The following NFXL1 variants were observed in gnomAD, a reference collection of about 807,000 sequenced individuals.
The protein encoded by NFXL1 is NF-X1-type zinc finger protein NFXL1.
Under a neutral mutation model 123.3 loss-of-function variants are expected in NFXL1, and 66 were observed. The ratio of observed to expected loss-of-function variants is 0.54; its 90% confidence interval spans 0.44 to 0.66. The LOEUF (loss-of-function observed/expected upper bound fraction) is 0.66, where lower values mean the gene tolerates loss of function less well. Among genes scored for constraint, NFXL1 ranks in the 30% least tolerant of loss-of-function variants. The pLI is 0.00. For synonymous variants in NFXL1, 346 were observed against 360.8 expected (o/e 0.96, Z 0.46); for missense variants, 944 against 1,125.6 (o/e 0.84, Z 2.31).
chr4:47,884,347 T>A lies in NFXL1; in HGVS notation c.1915A>T (p.Met639Leu). The change falls in exon 15 of 23, where the codon ATG (methionine) becomes TTG (leucine). Residue 639 changes from methionine to leucine, a missense_variant and splice_region_variant. Transcript: ENST00000507489. ...TTTAATTGAAATTCTAATACTTACA[T>A]AGGAATAGGAACTTGACATGGAGGA... ...PCPPCQVPIP[M>L]ECLGKHEVSP... The A allele has an allele frequency of 6.5e-7, 1 of 1,538,664 alleles. No individual in the cohort carries two copies. The highest frequency in any genetic ancestry group is 1.2e-5 in the South Asian group (1 of 85,028).
intron 2 of NFXL1, among the ~76,000 whole-genome samples, chr4:47,911,342 C>T (rs1350838753): frequency 6.6e-6 from 1 of 152,212 alleles, no homozygotes; most frequent in Non-Finnish European, 1.5e-5. Context: ...TTTTAAAGTA[C>T]ATTGTGCACA....
At chr4:47,900,578 T>C (rs778069863) in intron 5 of NFXL1, among the ~76,000 whole-genome samples, 1 of 152,204 alleles carries the variant, frequency 6.6e-6, no homozygotes, top group Non-Finnish European at 1.5e-5. Context: ...GACTTTAAAC[T>C]TCCATCATTA....
chr4:47,854,205 C>G (rs1187268220), intron 20 of NFXL1, among the ~76,000 whole-genome samples: 3 of 151,778 alleles, frequency 2.0e-5, no homozygotes, highest in Admixed American at 2.0e-4. Context: ...AGGCAAAGGA[C>G]CTATAAAAGA....
chr4:47,862,724 C>A (rs1420650730), intron 19 of NFXL1, 122 bp downstream of exon 19: 2 of 717,708 alleles, frequency 2.8e-6, no homozygotes, highest in East Asian at 2.6e-5. Flanking sequence ...ATATGTCTTA[C>A]GTGTTTATTT....
At chr4:47,913,541 A>G (rs1373146807) in intron 2 of NFXL1, among the ~76,000 whole-genome samples, 1 of 152,238 alleles carries the variant, frequency 6.6e-6, no homozygotes, top group Non-Finnish European at 1.5e-5. Flanking sequence ...GACTCAGCCG[A>G]GCTGACTGTT....
chr4:47,884,353 T>C lies in NFXL1; in HGVS notation c.1909A>G (p.Ile637Val), dbSNP rs1424046598. ...ALPCPPCQVP[I>V]PMECLGKHEV... is the part of the protein sequence containing the mutation. ...TGAAATTCTAATACTTACATAGGAA[T>C]AGGAACTTGACATGGAGGACACGGT... The change falls in exon 15 of 23, where the codon ATT (isoleucine) becomes GTT (valine). Residue 637 changes from isoleucine to valine, a missense_variant. This residue lies in a region of NFXL1 where 301 missense variants were observed against 348.0 expected (regional missense o/e 0.86). Coordinates refer to ENST00000507489, the MANE Select transcript of NFXL1 (RefSeq NM_001278624.2). 3 of 1,567,762 alleles carry C rather than the reference T, an allele frequency of 1.9e-6. No individual in the cohort carries two copies. In the East Asian group the frequency reaches 6.7e-5, roughly 35 times the overall value.
chr4:47,906,804 T>C (rs961414688), intron 3 of NFXL1, among the ~76,000 whole-genome samples: 1 of 152,236 alleles, frequency 6.6e-6, no homozygotes, highest in African/African-American at 2.4e-5. Flanking sequence ...TATTAAAGTT[T>C]GGCTGCATCA....
intron 15 of NFXL1, chr4:47,882,422 T>A (rs934958916): frequency 1.3e-5 from 2 of 152,146 alleles, no homozygotes; most frequent in African/African-American, 4.8e-5. Flanking sequence ...GGTTGAGAAG[T>A]TAACAGAAAG....
chr4:47,883,032 G>A (rs575118327), intron 15 of NFXL1, among the ~76,000 whole-genome samples: 17 of 152,166 alleles, frequency 1.1e-4, no homozygotes, highest in Non-Finnish European at 2.4e-4. Flanking sequence ...TCACCACGAT[G>A]TATTAGTGAA....
intron 17 of NFXL1, among the ~76,000 whole-genome samples, chr4:47,877,371 T>C (rs2110068587): frequency 6.6e-6 from 1 of 152,222 alleles, no homozygotes; most frequent in East Asian, 1.9e-4. Flanking sequence ...TCAAATATCA[T>C]ACGCAGTTCT....
intron 19 of NFXL1, among the ~76,000 whole-genome samples, chr4:47,861,276 A>G (rs887012925): frequency 4.6e-5 from 7 of 152,234 alleles, no homozygotes; most frequent in Non-Finnish European, 1.0e-4. Context: ...GAGTTCTACT[A>G]GACACAATGA....
intron 15 of NFXL1, 43 bp from the exon 16 acceptor site, chr4:47,879,160 T>C (rs781636801): frequency 2.2e-6 from 2 of 895,308 alleles, no homozygotes; most frequent in South Asian, 2.0e-5. Flanking sequence ...TTACAAATTA[T>C]TCAAAAATAA....
At chr4:47,852,650 T>C (rs1734188384) in intron 20 of NFXL1, among the ~76,000 whole-genome samples, 1 of 152,084 alleles carries the variant, frequency 6.6e-6, no homozygotes, top group Non-Finnish European at 1.5e-5. Flanking sequence ...TTTTGATGTC[T>C]TGACATCAAA....
At chr4:47,911,126 G>A (rs905910546) in intron 2 of NFXL1, 132 bp from the exon 3 acceptor site, 9 of 479,174 alleles carry the variant, frequency 1.9e-5, no homozygotes, top group African/African-American at 1.2e-4. Context: ...TGTAATCCAC[G>A]AGAAAAGTAT....
intron 12 of NFXL1, among the ~76,000 whole-genome samples, chr4:47,886,323 C>T (rs1418194184): frequency 6.6e-6 from 1 of 151,710 alleles, no homozygotes. Flanking sequence ...TGGCTATGTT[C>T]AGTTTGTAAA....
At chr4:47,879,561 T>C (rs754422376) in intron 15 of NFXL1, among the ~76,000 whole-genome samples, 1 of 152,154 alleles carries the variant, frequency 6.6e-6, no homozygotes, top group Non-Finnish European at 1.5e-5. Flanking sequence ...ATTTTGTATA[T>C]ATCAACAAAC....
At chr4:47,898,642 T>C (rs1004897363) in intron 8 of NFXL1, 115 bp downstream of exon 8, 18 of 674,290 alleles carry the variant, frequency 2.7e-5, no homozygotes, top group Non-Finnish European at 2.7e-5. Context: ...TCATCTGAGT[T>C]GCTATTCTTC....
rs762135215 is a variant in NFXL1 at position 47,905,259 on chromosome 4, G to A, written c.494C>T (p.Ala165Val). ...TACTGCTTGGTTTCTCTTCACCGAA[G>A]CAATACAAATTAGGCATGTCATAGC... ...AGAMTCLICI[A>V]SVKRNQAVWS... is the part of the protein sequence containing the mutation. The change falls in exon 4 of 23, where the codon GCT (alanine) becomes GTT (valine). Residue 165 changes from alanine to valine, a missense_variant. By Grantham distance (64) the Ala-to-Val change is moderately conservative. Coordinates refer to ENST00000507489, the MANE Select transcript of NFXL1 (RefSeq NM_001278624.2). The A allele has an allele frequency of 1.3e-6, 2 of 1,560,038 alleles. No homozygotes were observed. Among genetic ancestry groups the A allele is most frequent in the Non-Finnish European group, 1.8e-6 (2 of 1,134,918 alleles).
At chr4:47,871,383 A>C (rs905901709) in intron 18 of NFXL1, among the ~76,000 whole-genome samples, 1 of 152,000 alleles carries the variant, frequency 6.6e-6, no homozygotes, top group African/African-American at 2.4e-5. Flanking sequence ...AAACAAAAAA[A>C]CACTTGGTTA....
Sources: allele counts gnomAD v4.1 joint callset (sites outside exome capture counted in the v4.1 genomes callset), GRCh38; gene constraint gnomAD v4.1.1; regional missense constraint gnomAD v4.1.1; transcripts MANE v1.5; gene names NCBI Gene and HGNC (gene_info 2026-07-23, HGNC 2026-07-21).